Variants in LAMA2 observed in about 807,000 individuals in gnomAD.
The protein encoded by LAMA2 is laminin subunit alpha 2.
A neutral mutation model predicts 364.8 loss-of-function variants in LAMA2; 269 were observed. The observed-to-expected ratio is 0.74, with a 90% CI of 0.67 to 0.82. The LOEUF is 0.82. LAMA2 is among the 40% of genes least tolerant of loss of function. LAMA2 has a pLI of 0.00. For missense variants in LAMA2, 3,807 were observed against 3,873.2 expected, an observed-to-expected ratio of 0.98 and a Z score of 0.45; for synonymous variants, 1,379 against 1,370.6, an observed-to-expected ratio of 1.01 and a Z score of -0.14.
At chr6:129,066,738 A>G (rs1215212752) in intron 3 of LAMA2, among the ~76,000 whole-genome samples, 1 of 152,204 alleles carries the variant, frequency 6.6e-6, no homozygotes, top group Non-Finnish European at 1.5e-5. Flanking sequence ...ACATAGACCA[A>G]CAGAATAGAA....
At chr6:129,500,393 T>C (rs928996967) in intron 58 of LAMA2, among the ~76,000 whole-genome samples, 3 of 152,184 alleles carry the variant, frequency 2.0e-5, no homozygotes, top group Admixed American at 2.0e-4. Flanking sequence ...CTTTAAACTT[T>C]GAGGTTACAT....
intron 3 of LAMA2, among the ~76,000 whole-genome samples, chr6:129,069,324 C>A (rs1773147162): frequency 6.6e-6 from 1 of 150,624 alleles, no homozygotes; most frequent in African/African-American, 2.4e-5. Flanking sequence ...GTGTATTTTC[C>A]AATTTTATTC....
At chr6:129,050,232 CCT>C in intron 2 of LAMA2, 144 bp downstream of exon 2, 1 of 788,674 alleles carries the variant, frequency 1.3e-6, no homozygotes, top group Non-Finnish European at 2.1e-6. Flanking sequence ...CTTCCTGGCC[CCT>C]CTCTGTCATT....
intron 12 of LAMA2, among the ~76,000 whole-genome samples, chr6:129,205,962 G>T (rs1385903924): frequency 6.6e-6 from 1 of 151,622 alleles, no homozygotes; most frequent in Non-Finnish European, 1.5e-5. Context: ...GGCGGAGATT[G>T]CAGTGAGCTG....
chr6:129,387,242 G>A (rs1384442663), intron 35 of LAMA2, among the ~76,000 whole-genome samples: 1 of 151,962 alleles, frequency 6.6e-6, no homozygotes, highest in Non-Finnish European at 1.5e-5. Context: ...TGCCATGGTG[G>A]TTTGCTGCAC....
rs117495833 is a variant in LAMA2 at position 128,983,735 on chromosome 6, C to G, written c.113-66183C>G. Among the ~76,000 whole-genome samples, 216 of 152,272 alleles carry G rather than the reference C, an allele frequency of 1.4e-3. 2 individuals are homozygous for G. The highest frequency in any genetic ancestry group is 2.4e-3 in the Non-Finnish European group (165 of 68,014). ...TTCAAGAATCAGCTTGTGAACAATGCTTTGGAGATTAAGACAGTAGGAAGG... is the reference window on the plus strand; with the variant it reads ...TTCAAGAATCAGCTTGTGAACAATGGTTTGGAGATTAAGACAGTAGGAAGG... On this transcript the variant is annotated intron_variant, in intron 1 of 64. Coordinates refer to ENST00000421865, the MANE Select transcript of LAMA2 (RefSeq NM_000426.4).
chr6:129,276,881 C>T (rs1200550261), intron 17 of LAMA2, among the ~76,000 whole-genome samples: 2 of 151,996 alleles, frequency 1.3e-5, no homozygotes, highest in Admixed American at 6.6e-5. Context: ...AATTGTTTCT[C>T]TATGTATGCA....
intron 1 of LAMA2, among the ~76,000 whole-genome samples, chr6:128,962,156 AT>A (rs1781563535): frequency 9.8e-6 from 1 of 102,256 alleles, no homozygotes; most frequent in Non-Finnish European, 2.0e-5. Context: ...ATATATATAT[AT>A]ATATATATAT....
intron 60 of LAMA2, 102 bp downstream of exon 60, chr6:129,503,382 C>T: frequency 1.9e-6 from 2 of 1,059,146 alleles, no homozygotes; most frequent in Non-Finnish European, 2.9e-6. Flanking sequence ...CAGACACTGA[C>T]TCTGGCAGAA....
intron 30 of LAMA2, among the ~76,000 whole-genome samples, chr6:129,346,863 G>A (rs1044642628): frequency 1.3e-5 from 2 of 152,192 alleles, no homozygotes; most frequent in African/African-American, 2.4e-5. Flanking sequence ...GATTTTAGAT[G>A]AGGTGGTCCA....
chr6:129,119,742 G>T (rs941440515), intron 4 of LAMA2, among the ~76,000 whole-genome samples: 20 of 152,010 alleles, frequency 1.3e-4, no homozygotes, highest in African/African-American at 4.8e-4. Flanking sequence ...TACAGACGGG[G>T]TTTCACCGTG....
At chr6:129,058,155 A>C (rs1788616717) in intron 2 of LAMA2, among the ~76,000 whole-genome samples, 2 of 152,204 alleles carry the variant, frequency 1.3e-5, no homozygotes, top group African/African-American at 4.8e-5. Flanking sequence ...ATCCTCACCC[A>C]TGCATGAGCA....
At chr6:129,194,496 C>A (rs1253091259) in intron 12 of LAMA2, among the ~76,000 whole-genome samples, 1 of 152,120 alleles carries the variant, frequency 6.6e-6, no homozygotes, top group Non-Finnish European at 1.5e-5. Context: ...AGATAACTTC[C>A]CTTATCCTGG....
At chr6:129,183,950 T>C (rs1781081250) in intron 10 of LAMA2, among the ~76,000 whole-genome samples, 1 of 151,926 alleles carries the variant, frequency 6.6e-6, no homozygotes, top group African/African-American at 2.4e-5. Flanking sequence ...TTGACAGTCA[T>C]TTAGCCTTTC....
intron 3 of LAMA2, among the ~76,000 whole-genome samples, chr6:129,071,906 T>C (rs956676847): frequency 6.6e-6 from 1 of 152,200 alleles, no homozygotes; most frequent in East Asian, 1.9e-4. Context: ...GGCAGGCGGA[T>C]GGCTTGAGCC....
At chr6:128,976,064 G>T (rs1562886669) in intron 1 of LAMA2, among the ~76,000 whole-genome samples, 2 of 152,206 alleles carry the variant, frequency 1.3e-5, no homozygotes, top group Non-Finnish European at 2.9e-5. Context: ...AAAAGGATGT[G>T]AAGTAATTAA....
At chr6:129,455,226 T>C (rs1339161633) in intron 47 of LAMA2, among the ~76,000 whole-genome samples, 1 of 151,622 alleles carries the variant, frequency 6.6e-6, no homozygotes, top group African/African-American at 2.4e-5. Flanking sequence ...CTGGGCAACA[T>C]AGCAAGACTT....
intron 54 of LAMA2, among the ~76,000 whole-genome samples, chr6:129,480,746 T>C (rs1276672585): frequency 6.6e-6 from 1 of 152,204 alleles, no homozygotes; most frequent in Non-Finnish European, 1.5e-5. Flanking sequence ...GACTATGCGA[T>C]GTTTGTTTTA....
chr6:129,032,874 G>A (rs900518385), intron 1 of LAMA2, among the ~76,000 whole-genome samples: 2 of 152,152 alleles, frequency 1.3e-5, no homozygotes, highest in African/African-American at 4.8e-5. Flanking sequence ...CACTGGGTGG[G>A]TAAACTAAGA....
Sources: gnomAD v4.1 joint callset for allele counts (sites outside exome capture counted in the v4.1 genomes callset) on GRCh38, gnomAD v4.1.1 for gene constraint, MANE v1.5 for transcripts, NCBI Gene and HGNC (gene_info 2026-07-23, HGNC 2026-07-21) for gene names.